The following LUZP2 variants were observed in gnomAD, a reference collection of about 807,000 sequenced individuals.
LUZP2 encodes the protein leucine zipper protein 2.
In LUZP2, 52 loss-of-function variants were observed where a neutral mutation model predicts 51.6. The ratio of observed to expected loss-of-function variants is 1.01; its 90% CI spans 0.81 to 1.27. The LOEUF is 1.27. LUZP2 is among the 50% of genes most tolerant of loss of function. The pLI is 0.00. For missense variants in LUZP2, 436 were observed against 395.4 expected (o/e 1.10, Z -0.87); for synonymous variants, 154 against 137.3 (o/e 1.12, Z -0.85).
chr11:24,814,908 C>T (rs797005116), intron 5 of LUZP2, among the ~76,000 whole-genome samples: 8 of 150,334 alleles, frequency 5.3e-5, no homozygotes, highest in African/African-American at 2.0e-4. Context: ...AGGAGAATGA[C>T]ATGAACCCGG....
At chr11:25,021,813 A>G (rs971054285) in intron 9 of LUZP2, among the ~76,000 whole-genome samples, 3 of 152,016 alleles carry the variant, frequency 2.0e-5, no homozygotes, top group African/African-American at 7.2e-5. Flanking sequence ...GTGACAAAGA[A>G]GAATGGTGGA....
intron 9 of LUZP2, among the ~76,000 whole-genome samples, chr11:25,049,729 A>G (rs1057380279): frequency 9.2e-5 from 14 of 152,230 alleles, no homozygotes; most frequent in Non-Finnish European, 1.8e-4. Flanking sequence ...GTGGGGGACT[A>G]GAATCCTTAA....
intron 4 of LUZP2, chr11:24,751,470 G>C (rs1314578694): frequency 2.4e-6 from 1 of 418,638 alleles, no homozygotes; most frequent in Admixed American, 6.4e-5. Flanking sequence ...AATGGCAACA[G>C]CTCAGGCCTC....
At chr11:24,673,992 G>A (rs569517507) in intron 1 of LUZP2, among the ~76,000 whole-genome samples, 1 of 152,176 alleles carries the variant, frequency 6.6e-6, no homozygotes, top group East Asian at 1.9e-4. Context: ...GAATTCTGAA[G>A]TATTTAACAT....
chr11:24,631,395 TG>T (rs1854883873), intron 1 of LUZP2, among the ~76,000 whole-genome samples: 1 of 140,676 alleles, frequency 7.1e-6, no homozygotes, highest in Non-Finnish European at 1.6e-5. Flanking sequence ...TTTTCTTTAT[TG>T]TTTTTTTTTT....
intron 7 of LUZP2, among the ~76,000 whole-genome samples, chr11:24,917,082 C>A (rs1410825924): frequency 2.6e-5 from 4 of 152,084 alleles, no homozygotes; most frequent in Admixed American, 2.6e-4. Flanking sequence ...CTCTGATGGC[C>A]AGTGATGATG....
chr11:24,718,894 G>A (rs1282184408), intron 1 of LUZP2, among the ~76,000 whole-genome samples: 1 of 152,090 alleles, frequency 6.6e-6, no homozygotes, highest in Non-Finnish European at 1.5e-5. Flanking sequence ...GATTCCTCAG[G>A]GAATTCATTT....
In LUZP2 at chr11:25,009,527, C is replaced by A. The variant is rs564252175; in HGVS notation, c.765+26234C>A. Among the ~76,000 whole-genome samples, 4 of 152,056 alleles carry A rather than the reference C, an allele frequency of 2.6e-5. No individual in the cohort carries two copies. In the South Asian group the frequency reaches 8.3e-4, roughly 32 times the overall value. ...TTATCTAGTAACTAAAGAAAACATA[C>A]AAGTATCAACTAATCTTTATAGCGT... On this transcript the variant is annotated intron_variant, in intron 9 of 11. Transcript: ENST00000336930.
intron 1 of LUZP2, among the ~76,000 whole-genome samples, chr11:24,642,903 G>C (rs1050534181): frequency 1.3e-5 from 2 of 152,168 alleles, no homozygotes; most frequent in Non-Finnish European, 2.9e-5. Flanking sequence ...GATGATCTGA[G>C]TGGGAGATTG....
Position 24,972,090 on chromosome 11 carries a change from G to A in LUZP2, c.523-4501G>A, listed in dbSNP as rs371957964. Among the ~76,000 whole-genome samples the A allele has an allele frequency of 5.7e-4, 75 of 131,018 alleles. 1 individual carries two copies. Among genetic ancestry groups the A allele is most frequent in the Middle Eastern group, 0.011 (2 of 190 alleles). 86.0% of individuals were successfully genotyped at this position (131,018 alleles called of 152,430 possible). A position where few individuals can be genotyped will look rare whatever the true frequency, so the allele number is the denominator to read the frequency against. On this transcript the variant is annotated intron_variant, in intron 7 of 11. Coordinates refer to ENST00000336930, the MANE Select transcript of LUZP2 (RefSeq NM_001009909.4). ...CCAGGAGGTGGAGTTGCAGTGAGCC[G>A]GGATCATGCTACTGCACTCCAGCCT...
At chr11:24,687,629 C>T (rs915140327) in intron 1 of LUZP2, among the ~76,000 whole-genome samples, 3 of 152,108 alleles carry the variant, frequency 2.0e-5, no homozygotes, top group Non-Finnish European at 4.4e-5. Flanking sequence ...AAAGGCAGAA[C>T]TTATTTGCAA....
At chr11:24,690,915 G>A (rs1272725002) in intron 1 of LUZP2, among the ~76,000 whole-genome samples, 1 of 151,966 alleles carries the variant, frequency 6.6e-6, no homozygotes, top group Non-Finnish European at 1.5e-5. Flanking sequence ...TCATTTAAGA[G>A]CACAAATTTT....
At chr11:24,705,761 G>T (rs889402100) in intron 1 of LUZP2, among the ~76,000 whole-genome samples, 5 of 152,086 alleles carry the variant, frequency 3.3e-5, no homozygotes, top group Non-Finnish European at 7.4e-5. Context: ...GCTAAAAAGT[G>T]ACATTTTACA....
intron 9 of LUZP2, among the ~76,000 whole-genome samples, chr11:25,040,202 C>T (rs958556617): frequency 2.0e-5 from 3 of 152,002 alleles, no homozygotes; most frequent in Admixed American, 6.6e-5. Flanking sequence ...GATTTTCATG[C>T]CCATTAAATG....
intron 1 of LUZP2, among the ~76,000 whole-genome samples, chr11:24,699,127 A>G (rs1195409096): frequency 6.7e-6 from 1 of 149,638 alleles, no homozygotes; most frequent in African/African-American, 2.5e-5. Flanking sequence ...ACACACACAC[A>G]CGAAACAATA....
At chr11:24,749,800 G>A (rs1401984980) in intron 4 of LUZP2, among the ~76,000 whole-genome samples, 3 of 152,058 alleles carry the variant, frequency 2.0e-5, no homozygotes, top group Non-Finnish European at 4.4e-5. Context: ...TATACCAGTG[G>A]TTTGCCAGGG....
At chr11:25,057,965 G>A (rs915225320) in intron 10 of LUZP2, among the ~76,000 whole-genome samples, 4 of 152,050 alleles carry the variant, frequency 2.6e-5, no homozygotes, top group East Asian at 1.9e-4. Flanking sequence ...TATCCAACAT[G>A]CATTTTGTGG....
intron 7 of LUZP2, among the ~76,000 whole-genome samples, chr11:24,936,420 A>G (rs1213085321): frequency 6.6e-6 from 1 of 152,214 alleles, no homozygotes; most frequent in African/African-American, 2.4e-5. Flanking sequence ...GAACCTTCAC[A>G]ATGGAAGGCC....
intron 1 of LUZP2, among the ~76,000 whole-genome samples, chr11:24,590,114 CAT>C (rs1176232672): frequency 1.6e-4 from 25 of 152,248 alleles, no homozygotes; most frequent in African/African-American, 5.1e-4. Flanking sequence ...TTCTTCAAGA[CAT>C]GTGAATGTTT....
Sources: allele counts gnomAD v4.1 joint callset (sites outside exome capture counted in the v4.1 genomes callset), GRCh38; gene constraint gnomAD v4.1.1; transcripts MANE v1.5; gene names NCBI Gene and HGNC (gene_info 2026-07-23, HGNC 2026-07-21).